The following QSER1 variants were observed in gnomAD, a reference collection of about 807,000 sequenced individuals.
QSER1 encodes the protein glutamine and serine-rich protein 1.
A neutral mutation model predicts 158.5 loss-of-function variants in QSER1; 49 were observed. The observed-to-expected ratio is 0.31, with a 90% CI of 0.25 to 0.39. The LOEUF (loss-of-function observed/expected upper bound fraction) is 0.39, where lower values mean the gene tolerates loss of function less well. QSER1 is among the 10% of genes least tolerant of loss of function. QSER1 has a pLI of 1.00. For synonymous variants in QSER1, 650 were observed against 715.5 expected (o/e 0.91, Z 1.46); for missense variants, 1,754 against 2,010.3 (o/e 0.87, Z 2.44).
chr11:32,932,381 A>C lies in QSER1; in HGVS notation c.1123A>C (p.Asn375His). ...SPIGDSTQVS[N>H]GGLQQKTSQV... Reference sequence around the variant, plus strand: ...AATTGGAGATTCCACTCAGGTGAGCAACGGAGGATTACAACAGAAGACCTC... The same window carrying C: ...AATTGGAGATTCCACTCAGGTGAGCCACGGAGGATTACAACAGAAGACCTC... Residue 375 changes from asparagine (N) to histidine (H), a missense_variant, in exon 4 of 13, where the codon AAC becomes CAC. By Grantham distance (68) the Asn-to-His change is moderately conservative. Coordinates refer to ENST00000650167, the MANE Select transcript of QSER1 (RefSeq NM_001076786.3). The C allele has an allele frequency of 8.1e-6, 13 of 1,612,482 alleles. No homozygotes were observed. Among genetic ancestry groups the C allele is most frequent in the Non-Finnish European group, 1.0e-5 (12 of 1,180,018 alleles).
intron 1 of QSER1, among the ~76,000 whole-genome samples, chr11:32,907,356 A>G (rs1851707727): frequency 6.6e-6 from 1 of 152,234 alleles, no homozygotes; most frequent in Non-Finnish European, 1.5e-5. Flanking sequence ...TCTAGTTCAT[A>G]TTCAGATGTG....
intron 1 of QSER1, among the ~76,000 whole-genome samples, chr11:32,897,686 A>G (rs1387852774): frequency 4.6e-5 from 7 of 152,080 alleles, no homozygotes; most frequent in African/African-American, 1.4e-4. Context: ...TTTAAATACT[A>G]TCTCAGTGGA....
At chr11:32,921,095 C>G (rs530329201) in intron 1 of QSER1, among the ~76,000 whole-genome samples, 2 of 152,150 alleles carry the variant, frequency 1.3e-5, no homozygotes, top group South Asian at 4.1e-4. Flanking sequence ...AGAAACAACC[C>G]AAATGTCCAT....
intron 1 of QSER1, among the ~76,000 whole-genome samples, chr11:32,898,672 G>A (rs1480321217): frequency 6.6e-6 from 1 of 151,956 alleles, no homozygotes; most frequent in Non-Finnish European, 1.5e-5. Flanking sequence ...CTGCAGCCTC[G>A]ACCTCCTGGG....
At chr11:32,941,109 TC>T (rs979143723) in intron 4 of QSER1, among the ~76,000 whole-genome samples, 2 of 151,874 alleles carry the variant, frequency 1.3e-5, no homozygotes, top group African/African-American at 4.8e-5. Context: ...GCTCTCACTT[TC>T]TTTTCGAACT....
chr11:32,967,941 A>G (rs1378568474), intron 9 of QSER1, among the ~76,000 whole-genome samples: 1 of 152,214 alleles, frequency 6.6e-6, no homozygotes, highest in Non-Finnish European at 1.5e-5. Context: ...AACAGGTTAG[A>G]GGTTGAAGAA....
intron 8 of QSER1, among the ~76,000 whole-genome samples, chr11:32,965,900 C>T (rs1852733614): frequency 1.3e-5 from 2 of 148,692 alleles, no homozygotes; most frequent in African/African-American, 4.9e-5. Flanking sequence ...AAGATGGCGC[C>T]ATTGTACTCC....
Position 32,973,469 on chromosome 11 carries a change from A to G in QSER1, c.5278A>G (p.Ile1760Val), listed in dbSNP as rs1852909674. The G allele has an allele frequency of 1.2e-6, 2 of 1,613,704 alleles. No individual in the cohort carries two copies. Among genetic ancestry groups the G allele is most frequent in the South Asian group, 1.1e-5 (1 of 91,052 alleles). Residue 1760 changes from isoleucine to valine, a missense_variant, in exon 11 of 13, where the codon ATT becomes GTT. Ile to Val is a conservative substitution (Grantham distance 29). Around this residue, in one of 2 missense-constraint regions of QSER1, gnomAD observed 1,707 missense variants for 1,919.6 expected, o/e 0.89. Transcript: ENST00000650167. ...DSKAKSGGTA[I>V]SKIKMNGKAY... ...TAAAGCAAAGAGTGGAGGAACTGCTATTTCTAAAATCAAAATGAATGGCAA... is the reference window on the plus strand; with the variant it reads ...TAAAGCAAAGAGTGGAGGAACTGCTGTTTCTAAAATCAAAATGAATGGCAA...
intron 1 of QSER1, among the ~76,000 whole-genome samples, chr11:32,920,177 A>G (rs969343729): frequency 3.3e-5 from 5 of 152,322 alleles, no homozygotes; most frequent in African/African-American, 1.2e-4. Context: ...CCGCCAGAGT[A>G]AGGAAATACA....
Position 32,958,067 on chromosome 11 carries a change from T to C in QSER1, c.4950T>C (p.Thr1650=). The change falls in exon 8 of 13, where the codon ACT becomes ACC. Residue 1650 remains threonine (T), a synonymous_variant. Coordinates refer to ENST00000650167, the MANE Select transcript of QSER1 (RefSeq NM_001076786.3). ...CTGACTCATCTCCTGAGATCCATACTAGTAGTAGTGACGATGAGGGTGAGT... is the reference window on the plus strand; with the variant it reads ...CTGACTCATCTCCTGAGATCCATACCAGTAGTAGTGACGATGAGGGTGAGT... ...SQSDSSPEIH[T]SSSDDEEFEP... is the part of the protein sequence containing the mutation. The C allele has an allele frequency of 6.2e-7, 1 of 1,613,938 alleles. No individual in the cohort carries two copies. Among genetic ancestry groups the C allele is most frequent in the South Asian group, 1.1e-5 (1 of 91,068 alleles).
intron 4 of QSER1, among the ~76,000 whole-genome samples, chr11:32,942,406 TG>T (rs1852255534): frequency 6.9e-6 from 1 of 145,936 alleles, no homozygotes; most frequent in Non-Finnish European, 1.5e-5. Flanking sequence ...AATTGATTTT[TG>T]TATAAGGTGT....
At chr11:32,900,665 T>TCA (rs781015866) in intron 1 of QSER1, among the ~76,000 whole-genome samples, 4 of 152,214 alleles carry the variant, frequency 2.6e-5, no homozygotes, top group Admixed American at 1.3e-4. Context: ...CCACCATCCT[T>TCA]CAGCCATACT....
chr11:32,899,090 A>G (rs114714705), intron 1 of QSER1, among the ~76,000 whole-genome samples: 151 of 152,338 alleles, frequency 9.9e-4, no homozygotes, highest in African/African-American at 3.5e-3. Flanking sequence ...ATTCTTAGAA[A>G]TATATACCTA....
chr11:32,976,155 T>A lies in QSER1; in HGVS notation c.5455-179T>A, dbSNP rs772635063. On this transcript the variant is annotated intron_variant, in intron 12 of 12. Transcript: ENST00000650167. ...TGGAGAAAGTCTGAAGTACTTTTTCTAGCCTTCCTTTCTGCCACCTTGGAG... is the reference window on the plus strand; with the variant it reads ...TGGAGAAAGTCTGAAGTACTTTTTCAAGCCTTCCTTTCTGCCACCTTGGAG... Among the ~76,000 whole-genome samples the A allele has an allele frequency of 1.1e-4, 16 of 152,336 alleles. No individual in the cohort carries two copies. In the East Asian group the frequency reaches 1.2e-3, roughly 11 times the overall value.
At chr11:32,962,535 C>T (rs970773783) in intron 8 of QSER1, among the ~76,000 whole-genome samples, 2 of 152,098 alleles carry the variant, frequency 1.3e-5, no homozygotes, top group Non-Finnish European at 2.9e-5. Flanking sequence ...GCCCAATTTA[C>T]TTATTTTTTC....
At chr11:32,907,965 T>G (rs1435462104) in intron 1 of QSER1, among the ~76,000 whole-genome samples, 1 of 152,096 alleles carries the variant, frequency 6.6e-6, no homozygotes, top group Non-Finnish European at 1.5e-5. Flanking sequence ...CTGAGCATGG[T>G]GGCATGCATC....
intron 4 of QSER1, among the ~76,000 whole-genome samples, chr11:32,936,371 C>CT: frequency 6.6e-6 from 1 of 152,190 alleles, no homozygotes; most frequent in South Asian, 2.1e-4. Context: ...TGAACTCATC[C>CT]TTTTTTATGG....
At chr11:32,938,109 G>A (rs1852179085) in intron 4 of QSER1, among the ~76,000 whole-genome samples, 1 of 152,174 alleles carries the variant, frequency 6.6e-6, no homozygotes, top group Admixed American at 6.5e-5. Context: ...TTAGGCTTTA[G>A]AGTTAAATCA....
At chr11:32,929,638 C>T (rs1852019305) in intron 3 of QSER1, among the ~76,000 whole-genome samples, 1 of 152,076 alleles carries the variant, frequency 6.6e-6, no homozygotes, top group African/African-American at 2.4e-5. Context: ...CAAAAACATA[C>T]ACAACATATA....
Sources: allele counts gnomAD v4.1 joint callset (sites outside exome capture counted in the v4.1 genomes callset), GRCh38; gene constraint gnomAD v4.1.1; regional missense constraint gnomAD v4.1.1; transcripts MANE v1.5; gene names NCBI Gene and HGNC (gene_info 2026-07-23, HGNC 2026-07-21).